Variants in NCOR1 observed in about 807,000 individuals in gnomAD.
NCOR1 encodes nuclear receptor corepressor 1.
NCOR1 carries 63 observed loss-of-function variants against 288.1 expected under a neutral mutation model. That is an observed-to-expected ratio of 0.22 (90% CI 0.18 to 0.27). The LOEUF (loss-of-function observed/expected upper bound fraction) is 0.27. Among genes scored for constraint, NCOR1 ranks in the 10% least tolerant of loss-of-function variants. The pLI, the probability that NCOR1 is intolerant of heterozygous loss-of-function variation, is 1.00. For missense variants in NCOR1, 2,397 were observed against 3,019.2 expected (o/e 0.79, Z 4.83); for synonymous variants, 1,007 against 1,065.9 (o/e 0.94, Z 1.08).
At chr17:16,193,125 T>C (rs551646571) in intron 2 of NCOR1, among the ~76,000 whole-genome samples, 41 of 152,304 alleles carry the variant, frequency 2.7e-4, no homozygotes, top group African/African-American at 9.6e-4. Context: ...ATTTTCATGA[T>C]GGTTGTATGA....
At chr17:16,039,200 A>G (rs1030453582) in intron 44 of NCOR1, 3 of 515,860 alleles carry the variant, frequency 5.8e-6, no homozygotes, top group Non-Finnish European at 1.0e-5. Flanking sequence ...TAAAAAATGG[A>G]CATCCCAGGA....
chr17:16,215,453 C>T lies in NCOR1; in HGVS notation c.-162G>A, dbSNP rs2092470322. 1 of 397,724 alleles carries T rather than the reference C, an allele frequency of 2.5e-6. No homozygotes were observed. The highest frequency in any genetic ancestry group is 4.4e-5 in the Admixed American group (1 of 22,706). The allele number at this position is 397,724 out of a possible 1,614,324, so 24.6% of individuals were successfully genotyped here. A position where few individuals can be genotyped will look rare whatever the true frequency, so the allele number is the denominator to read the frequency against. On this transcript the variant is annotated 5_prime_UTR_variant, in exon 1 of 46. Coordinates refer to ENST00000268712, the MANE Select transcript of NCOR1 (RefSeq NM_006311.4). ...CGCGGCCCTACACCGGGACCTCGTT[C>T]GGCGCGGCGAGTCGGACGCTCACTC...
rs367871434 is a variant in NCOR1 at position 16,072,173 on chromosome 17, C to A, written c.3867G>T (p.Arg1289Ser). 4.3e-6 allele frequency: 7 copies of A among 1,612,490 alleles called. No individual in the cohort carries two copies. Among genetic ancestry groups the A allele is most frequent in the Non-Finnish European group, 5.1e-6 (6 of 1,179,182 alleles). ...RGSPHSDLKE[R>S]TVLSGSIMQG... Reference sequence around the variant, plus strand: ...GCATTATGGAGCCAGACAATACAGTCCTTTCTTTGAGGTCAGAATGAGGAC... The same window carrying A: ...GCATTATGGAGCCAGACAATACAGTACTTTCTTTGAGGTCAGAATGAGGAC... The change falls in exon 29 of 46, where the codon AGG (arginine) becomes AGT (serine). Residue 1289 changes from arginine (R) to serine (S), a missense_variant. Around this residue, in one of 11 missense-constraint regions of NCOR1, gnomAD observed 1,872 missense variants for 2,187.8 expected, o/e 0.86. Coordinates refer to ENST00000268712, the MANE Select transcript of NCOR1 (RefSeq NM_006311.4).
At chr17:16,118,848 G>T (rs938272958) in intron 17 of NCOR1, among the ~76,000 whole-genome samples, 16 of 152,094 alleles carry the variant, frequency 1.1e-4, no homozygotes, top group African/African-American at 3.6e-4. Flanking sequence ...CGACAGAAAA[G>T]CACAAAGTCC....
At chr17:16,100,055 G>A (rs1270097878) in intron 20 of NCOR1, among the ~76,000 whole-genome samples, 1 of 152,044 alleles carries the variant, frequency 6.6e-6, no homozygotes, top group Non-Finnish European at 1.5e-5. Flanking sequence ...CTGTTGAGTA[G>A]CTTGTCTCTT....
intron 1 of NCOR1, among the ~76,000 whole-genome samples, chr17:16,214,528 C>T (rs913283940): frequency 6.6e-6 from 1 of 152,170 alleles, no homozygotes; most frequent in African/African-American, 2.4e-5. Flanking sequence ...ATTAGAATTA[C>T]CTATACTACT....
At position 16,080,514 on chromosome 17, in the gene NCOR1, G is replaced by A; in HGVS notation, c.3299-5C>T. 1 of 1,613,946 alleles carries A rather than the reference G, an allele frequency of 6.2e-7. No homozygotes were observed. Among genetic ancestry groups the A allele is most frequent in the Non-Finnish European group, 8.5e-7 (1 of 1,179,904 alleles). On this transcript the variant is annotated splice_region_variant and splice_polypyrimidine_tract_variant and intron_variant, in intron 24 of 45. Coordinates refer to ENST00000268712, the MANE Select transcript of NCOR1 (RefSeq NM_006311.4). The stretch of plus-strand genomic sequence containing the variant: ...GCTTGATGTAGGGCAAAGTAGCTGT[G>A]GAAAGGCAGAGAAACATGAAACAAT...
At chr17:16,157,498 T>A (rs2080008472) in intron 6 of NCOR1, among the ~76,000 whole-genome samples, 1 of 152,184 alleles carries the variant, frequency 6.6e-6, no homozygotes. Context: ...AATTCAGGAG[T>A]ACATGTGCAT....
intron 15 of NCOR1, among the ~76,000 whole-genome samples, chr17:16,124,914 A>G (rs1028069069): frequency 1.3e-5 from 2 of 152,248 alleles, no homozygotes; most frequent in African/African-American, 4.8e-5. Flanking sequence ...TACATTCAAT[A>G]TATCCTGGAG....
At chr17:16,201,423 A>G (rs2090791213) in intron 1 of NCOR1, among the ~76,000 whole-genome samples, 1 of 151,482 alleles carries the variant, frequency 6.6e-6, no homozygotes, top group South Asian at 2.1e-4. Flanking sequence ...AAAAAACAAA[A>G]CCCCGTCTAC....
chr17:16,185,842 T>C (rs963502295), intron 3 of NCOR1, among the ~76,000 whole-genome samples: 7 of 147,778 alleles, frequency 4.7e-5, no homozygotes, highest in Admixed American at 2.0e-4. Flanking sequence ...GAGACTAAGG[T>C]GGGAGAATCA....
intron 22 of NCOR1, among the ~76,000 whole-genome samples, chr17:16,090,432 C>T (rs1459051454): frequency 6.6e-6 from 1 of 152,138 alleles, no homozygotes; most frequent in Non-Finnish European, 1.5e-5. Context: ...AAGACAAACA[C>T]CTGCGATGTC....
intron 19 of NCOR1, among the ~76,000 whole-genome samples, chr17:16,105,007 G>C (rs2068326334): frequency 6.6e-6 from 1 of 152,184 alleles, no homozygotes; most frequent in Admixed American, 6.5e-5. Context: ...GAACAGCAAA[G>C]AGGACAGTGT....
intron 14 of NCOR1, among the ~76,000 whole-genome samples, chr17:16,128,499 A>G (rs185343319): frequency 1.1e-4 from 17 of 152,304 alleles, no homozygotes; most frequent in Admixed American, 8.5e-4. Flanking sequence ...TACTTCTCTA[A>G]GCATCCCCAG....
chr17:16,204,907 GA>G (rs2091302977), intron 1 of NCOR1, among the ~76,000 whole-genome samples: 1 of 152,210 alleles, frequency 6.6e-6, no homozygotes, highest in African/African-American at 2.4e-5. Context: ...TAGCTAGGGG[GA>G]TATGTGCACA....
chr17:16,071,771 T>C, intron 29 of NCOR1, 106 bp from the exon 30 acceptor site: 1 of 1,035,302 alleles, frequency 9.7e-7, no homozygotes, highest in Non-Finnish European at 1.4e-6. Context: ...TTGTTACATA[T>C]ATTTTAACAT....
Position 16,079,976 on chromosome 17 carries a change from G to A in NCOR1, c.3489C>T (p.Gly1163=), listed in dbSNP as rs2063144845. The A allele has an allele frequency of 6.2e-7, 1 of 1,613,326 alleles. No individual in the cohort carries two copies. Among genetic ancestry groups the A allele is most frequent in the Non-Finnish European group, 8.5e-7 (1 of 1,179,296 alleles). ...ISVESIPSLR[G]SITQGTPALP... ...GATCGTGACTAACCTGAGTGATAGAGCCCCGTAGGGATGGAATGCTCTCCA... is the reference window on the plus strand; with the variant it reads ...GATCGTGACTAACCTGAGTGATAGAACCCCGTAGGGATGGAATGCTCTCCA... Residue 1163 remains glycine (G), a synonymous_variant, in exon 26 of 46, where the codon GGC becomes GGT. Coordinates refer to ENST00000268712, the MANE Select transcript of NCOR1 (RefSeq NM_006311.4).
chr17:16,088,512 T>C (rs2064614832), intron 22 of NCOR1, among the ~76,000 whole-genome samples: 1 of 152,212 alleles, frequency 6.6e-6, no homozygotes, highest in Non-Finnish European at 1.5e-5. Context: ...TCTTTTAGGC[T>C]TTCTAGGTGA....
intron 23 of NCOR1, among the ~76,000 whole-genome samples, chr17:16,082,185 C>G (rs973008406): frequency 1.3e-5 from 2 of 151,696 alleles, no homozygotes; most frequent in African/African-American, 2.4e-5. Flanking sequence ...AAAGAAACAA[C>G]AAGCTCTGAA....
Sources: allele counts gnomAD v4.1 joint callset (sites outside exome capture counted in the v4.1 genomes callset), GRCh38; gene constraint gnomAD v4.1.1; regional missense constraint gnomAD v4.1.1; transcripts MANE v1.5; gene names NCBI Gene and HGNC (gene_info 2026-07-23, HGNC 2026-07-21).